Variants in RPS6KC1 observed in about 807,000 individuals in gnomAD.
RPS6KC1 encodes inactive ribosomal protein S6 kinase delta-1.
A neutral mutation model predicts 103.8 loss-of-function variants in RPS6KC1; 54 were observed. That is an observed-to-expected ratio of 0.52 (90% CI 0.42 to 0.65). RPS6KC1 has a LOEUF of 0.65. Among genes scored for constraint, RPS6KC1 ranks in the 30% least tolerant of loss-of-function variants. RPS6KC1 has a pLI of 0.00. For synonymous variants in RPS6KC1, 439 were observed against 438.7 expected (o/e 1.00, Z -0.01); for missense variants, 1,151 against 1,253.8 (o/e 0.92, Z 1.24).
chr1:213,106,186 T>TCCCAATGGGATGTTCCCAAA (rs2082473492), intron 4 of RPS6KC1, among the ~76,000 whole-genome samples: 1 of 152,158 alleles, frequency 6.6e-6, no homozygotes, highest in Non-Finnish European at 1.5e-5. Flanking sequence ...GGATACTGAT[T>TCCCAATGGGATGTTCCCAAA]TGGGAATATC....
chr1:213,394,367 C>G, the RPS6KC1 span, among the ~76,000 whole-genome samples: 7 of 152,156 alleles, frequency 4.6e-5, no homozygotes, highest in African/African-American at 1.7e-4. Context: ...AGTATTTATA[C>G]TACAGAAATT....
the RPS6KC1 span, among the ~76,000 whole-genome samples, chr1:213,495,996 A>C: frequency 6.6e-6 from 1 of 152,166 alleles, no homozygotes; most frequent in African/African-American, 2.4e-5. Flanking sequence ...CTTGGGTCCT[A>C]AATTTCTGAC....
intron 6 of RPS6KC1, among the ~76,000 whole-genome samples, chr1:213,151,580 G>A (rs1273202625): frequency 5.6e-5 from 5 of 89,886 alleles, no homozygotes; most frequent in Non-Finnish European, 9.0e-5. Context: ...CCCGGATGGG[G>A]CGGCTGGCCG....
At chr1:213,485,874 C>A in the RPS6KC1 span, among the ~76,000 whole-genome samples, 1 of 152,060 alleles carries the variant, frequency 6.6e-6, no homozygotes, top group African/African-American at 2.4e-5. Flanking sequence ...TGAAGCAGTG[C>A]AGGAAGAAAA....
chr1:213,607,688 T>TACACACACACACACAC, the RPS6KC1 span, among the ~76,000 whole-genome samples: 23 of 140,902 alleles, frequency 1.6e-4, no homozygotes, highest in East Asian at 2.1e-4. Context: ...CAGTTGCAAT[T>TACACACACACACACAC]ACACACACAC....
the RPS6KC1 span, among the ~76,000 whole-genome samples, chr1:213,571,256 T>A: frequency 1.3e-5 from 2 of 152,226 alleles, no homozygotes; most frequent in African/African-American, 4.8e-5. Flanking sequence ...TTATTGAGCA[T>A]CTTCTCAGCA....
Position 213,051,978 on chromosome 1 carries a change from G to A in RPS6KC1, c.105+469G>A, listed in dbSNP as rs536413717. 1.3e-4 allele frequency among the ~76,000 whole-genome samples: 20 copies of A among 152,242 alleles called. No homozygotes were observed. The South Asian group carries it at 2.5e-3, about 19-fold the overall frequency. On this transcript the variant is annotated intron_variant, in intron 1 of 14. Transcript: ENST00000366960. ...ATTCTTGGGACAGATGTCAGTGTTA[G>A]GCCACCAACCTAGGAACTGTGGATC...
the RPS6KC1 span, among the ~76,000 whole-genome samples, chr1:213,807,534 C>T: frequency 3.7e-3 from 561 of 152,282 alleles, 3 homozygotes; most frequent in Non-Finnish European, 6.0e-3. Flanking sequence ...TTCATTTCAT[C>T]TTCCATCACT....
At chr1:213,308,739 C>T in the RPS6KC1 span, among the ~76,000 whole-genome samples, 4 of 152,322 alleles carry the variant, frequency 2.6e-5, no homozygotes, top group South Asian at 4.1e-4. Context: ...TCGAACATCT[C>T]TCCCTGCTTC....
At chr1:213,820,800 C>T in the RPS6KC1 span, 1 of 152,156 alleles carries the variant, frequency 6.6e-6, no homozygotes. Context: ...CGTTGGAAAT[C>T]TGAGGCCCAA....
the RPS6KC1 span, among the ~76,000 whole-genome samples, chr1:213,721,376 C>T: frequency 3.9e-5 from 6 of 152,146 alleles, no homozygotes; most frequent in African/African-American, 9.7e-5. Context: ...TGGTTTCCCC[C>T]ATACCGTTCT....
the RPS6KC1 span, among the ~76,000 whole-genome samples, chr1:213,697,430 C>T: frequency 1.3e-5 from 2 of 152,222 alleles, no homozygotes; most frequent in Admixed American, 6.5e-5. Context: ...AAGGAACAAC[C>T]GTGCTTTGGA....
the RPS6KC1 span, among the ~76,000 whole-genome samples, chr1:213,458,589 A>C: frequency 6.6e-6 from 1 of 152,122 alleles, no homozygotes; most frequent in East Asian, 1.9e-4. Flanking sequence ...TTCCTATTTG[A>C]ATACCCTTTA....
intron 2 of RPS6KC1, among the ~76,000 whole-genome samples, chr1:213,076,840 A>G (rs970316129): frequency 1.3e-5 from 2 of 151,896 alleles, no homozygotes; most frequent in African/African-American, 4.8e-5. Context: ...TGCTTGCTGC[A>G]TAGCTACTTC....
the RPS6KC1 span, among the ~76,000 whole-genome samples, chr1:213,470,635 T>A: frequency 1.9e-5 from 2 of 106,030 alleles, no homozygotes; most frequent in Non-Finnish European, 4.1e-5. Context: ...TTTTTTTTTT[T>A]TAGAGATGGG....
the RPS6KC1 span, among the ~76,000 whole-genome samples, chr1:213,533,282 C>G: frequency 6.6e-6 from 1 of 152,084 alleles, no homozygotes; most frequent in Non-Finnish European, 1.5e-5. Context: ...CTTTGACTGA[C>G]TTGGACAGAG....
intron 14 of RPS6KC1, among the ~76,000 whole-genome samples, chr1:213,269,947 G>A (rs1290190281): frequency 6.6e-6 from 1 of 151,568 alleles, no homozygotes; most frequent in South Asian, 2.1e-4. Flanking sequence ...TCCAAAGCAA[G>A]CAGAAGAAAG....
chr1:213,158,398 G>A (rs1030650971), intron 6 of RPS6KC1, among the ~76,000 whole-genome samples: 1 of 152,154 alleles, frequency 6.6e-6, no homozygotes, highest in Non-Finnish European at 1.5e-5. Flanking sequence ...CCCACCTACA[G>A]CTTCCTCAAA....
the RPS6KC1 span, among the ~76,000 whole-genome samples, chr1:213,728,209 T>C: frequency 2.6e-5 from 4 of 152,160 alleles, no homozygotes; most frequent in East Asian, 7.8e-4. Context: ...AAGAAGCCTT[T>C]CGCAGAGACT....
Sources: allele counts gnomAD v4.1 joint callset (sites outside exome capture counted in the v4.1 genomes callset), GRCh38; gene constraint gnomAD v4.1.1; transcripts MANE v1.5; gene names NCBI Gene and HGNC (gene_info 2026-07-23, HGNC 2026-07-21).